Variants in LIPK observed in about 807,000 individuals in gnomAD.
LIPK encodes lipase family member K.
A neutral mutation model predicts 48.6 loss-of-function variants in LIPK; 32 were observed. That is an observed-to-expected ratio of 0.66 (90% CI 0.50 to 0.88). The LOEUF (loss-of-function observed/expected upper bound fraction) is 0.88. Ranked by LOEUF, LIPK falls within the 40% of genes least tolerant of loss-of-function variation. LIPK has a pLI of 0.00. For missense variants in LIPK, 507 were observed against 478.5 expected (o/e 1.06, Z -0.56); for synonymous variants, 164 against 157.4 (o/e 1.04, Z -0.32).
intron 7 of LIPK, among the ~76,000 whole-genome samples, chr10:88,738,400 T>A (rs1438799256): frequency 6.6e-6 from 1 of 152,098 alleles, no homozygotes; most frequent in Non-Finnish European, 1.5e-5. Context: ...AAGGCTGAAG[T>A]TGGTCTCCAC....
chr10:88,707,864 A>G (rs1841963904), intron 1 of LIPK, among the ~76,000 whole-genome samples: 2 of 152,116 alleles, frequency 1.3e-5, no homozygotes, highest in Admixed American at 1.3e-4. Flanking sequence ...CTAGTTTCTG[A>G]CTAACCTGAC....
At chr10:88,707,668 G>A (rs1327725335) in intron 1 of LIPK, among the ~76,000 whole-genome samples, 2 of 152,072 alleles carry the variant, frequency 1.3e-5, no homozygotes, top group Admixed American at 1.3e-4. Context: ...TTCCATCAAA[G>A]TTGCCTAGTC....
intron 5 of LIPK, 57 bp downstream of exon 5, chr10:88,732,344 A>G (rs1842484723): frequency 6.3e-7 from 1 of 1,592,024 alleles, no homozygotes; most frequent in East Asian, 2.2e-5. Context: ...CCATATGGCT[A>G]CATTTACTAC....
intron 8 of LIPK, among the ~76,000 whole-genome samples, 155 bp from the exon 9 acceptor site, chr10:88,743,095 A>G (rs1335459139): frequency 6.6e-6 from 1 of 152,178 alleles, no homozygotes; most frequent in Non-Finnish European, 1.5e-5. Context: ...AAGATTTATC[A>G]TTTTTATTAC....
At chr10:88,740,116 C>G (rs1201095366) in intron 8 of LIPK, 49 bp downstream of exon 8, 8 of 1,441,632 alleles carry the variant, frequency 5.5e-6, no homozygotes, top group Non-Finnish European at 7.7e-6. Context: ...CTGCAAGACC[C>G]TCAAGAAGTG....
intron 9 of LIPK, among the ~76,000 whole-genome samples, chr10:88,745,010 A>G (rs1009863827): frequency 1.3e-5 from 2 of 152,218 alleles, no homozygotes; most frequent in Non-Finnish European, 2.9e-5. Context: ...AGCAGAATAG[A>G]CCAAGCTTAG....
intron 1 of LIPK, among the ~76,000 whole-genome samples, chr10:88,716,538 A>C (rs938227487): frequency 2.6e-5 from 4 of 151,858 alleles, no homozygotes; most frequent in African/African-American, 9.7e-5. Flanking sequence ...TTGTATTTTC[A>C]GTAGAGACAG....
chr10:88,727,056 T>C, intron 3 of LIPK, 144 bp downstream of exon 3: 2 of 645,462 alleles, frequency 3.1e-6, no homozygotes, highest in Non-Finnish European at 2.7e-6. Context: ...CATCTCTCTG[T>C]TTAATTTGTG....
chr10:88,719,212 T>C (rs1842175091), intron 1 of LIPK, among the ~76,000 whole-genome samples: 1 of 152,220 alleles, frequency 6.6e-6, no homozygotes, highest in Non-Finnish European at 1.5e-5. Context: ...TCATCTTATT[T>C]ATCACATCTT....
intron 1 of LIPK, among the ~76,000 whole-genome samples, chr10:88,719,916 C>T (rs181083221): frequency 3.3e-4 from 51 of 152,282 alleles, no homozygotes; most frequent in African/African-American, 1.1e-3. Flanking sequence ...GTGCAAAATG[C>T]ATTACTTATG....
At chr10:88,718,783 G>C (rs1198246948) in intron 1 of LIPK, among the ~76,000 whole-genome samples, 1 of 152,100 alleles carries the variant, frequency 6.6e-6, no homozygotes, top group Non-Finnish European at 1.5e-5. Flanking sequence ...TAAGCATATA[G>C]ATGCTCAGTC....
At chr10:88,734,655 G>C (rs1842535056) in intron 6 of LIPK, among the ~76,000 whole-genome samples, 1 of 152,138 alleles carries the variant, frequency 6.6e-6, no homozygotes, top group Non-Finnish European at 1.5e-5. Context: ...AATCATTATG[G>C]AGTTATTGTT....
Position 88,740,007 on chromosome 10 carries a change from T to A in LIPK, c.828T>A (p.Asp276Glu), listed in dbSNP as rs1272543103. Residue 276 changes from aspartate (D) to glutamate (E), a missense_variant, in exon 8 of 10, where the codon GAT (aspartate) becomes GAA (glutamate). Asp to Glu is a conservative substitution (Grantham distance 45). Transcript: ENST00000404190. ...DPQNLNMSRL[D>E]VYLSHNPAGT... Reference sequence around the variant, plus strand: ...TAATCTCTTTGCAGAGTCGCTTGGATGTTTATTTGTCACACAATCCTGCGG... The same window carrying A: ...TAATCTCTTTGCAGAGTCGCTTGGAAGTTTATTTGTCACACAATCCTGCGG... 6.2e-7 allele frequency: 1 copy of A among 1,610,968 alleles called. No homozygotes were observed. Among genetic ancestry groups the A allele is most frequent in the Non-Finnish European group, 8.5e-7 (1 of 1,177,866 alleles).
chr10:88,718,587 T>C (rs2134698147), intron 1 of LIPK, among the ~76,000 whole-genome samples: 1 of 152,106 alleles, frequency 6.6e-6, no homozygotes, highest in South Asian at 2.1e-4. Flanking sequence ...AAGAATTTTA[T>C]ACTCAAATTT....
At chr10:88,723,557 T>G (rs1046997779) in intron 1 of LIPK, among the ~76,000 whole-genome samples, 3 of 152,180 alleles carry the variant, frequency 2.0e-5, no homozygotes, top group Non-Finnish European at 4.4e-5. Flanking sequence ...GCTTTAAACT[T>G]AAGTAGTTTC....
intron 1 of LIPK, among the ~76,000 whole-genome samples, chr10:88,715,497 C>A (rs1842099313): frequency 6.6e-6 from 1 of 151,960 alleles, no homozygotes; most frequent in Admixed American, 6.6e-5. Flanking sequence ...ATATTTATTT[C>A]TTTTACTTTC....
intron 9 of LIPK, 24 bp from the exon 10 acceptor site, chr10:88,752,491 TTC>T (rs780836136): frequency 9.3e-6 from 14 of 1,498,692 alleles, no homozygotes; most frequent in Middle Eastern, 1.8e-4. Context: ...GTAAAAACTT[TTC>T]TCTCTCTCTT....
chr10:88,717,764 G>C (rs1219068297), intron 1 of LIPK, among the ~76,000 whole-genome samples: 1 of 152,002 alleles, frequency 6.6e-6, no homozygotes, highest in Admixed American at 6.6e-5. Flanking sequence ...TATTACTCAA[G>C]ACCAGCCATT....
Position 88,726,848 on chromosome 10 carries a change from A to G in LIPK, c.159A>G (p.Thr53=). ...CTTATGAAGAGTATGATGTTACAAC[A>G]AAAGATGGTTATATCCTTGGAATTT... The part of the protein sequence containing the change: ...GYPYEEYDVT[T]KDGYILGIYR... The change falls in exon 3 of 10, where the codon ACA becomes ACG. Residue 53 remains threonine, a synonymous_variant. Coordinates refer to ENST00000404190, the MANE Select transcript of LIPK (RefSeq NM_001080518.2). The G allele has an allele frequency of 6.2e-7, 1 of 1,609,242 alleles. No individual in the cohort carries two copies. Among genetic ancestry groups the G allele is most frequent in the Non-Finnish European group, 8.5e-7 (1 of 1,176,490 alleles).
Sources: gnomAD v4.1 joint callset for allele counts (sites outside exome capture counted in the v4.1 genomes callset) on GRCh38, gnomAD v4.1.1 for gene constraint, MANE v1.5 for transcripts, NCBI Gene and HGNC (gene_info 2026-07-23, HGNC 2026-07-21) for gene names.